Variants in ADAMTSL1 observed in about 807,000 individuals in gnomAD.
ADAMTSL1 encodes ADAMTS like 1.
ADAMTSL1 carries 126 observed loss-of-function variants against 201.8 expected under a neutral mutation model. The ratio of observed to expected loss-of-function variants is 0.62; its 90% confidence interval spans 0.54 to 0.72. The LOEUF is 0.72. Among genes scored for constraint, ADAMTSL1 ranks in the 30% least tolerant of loss-of-function variants. The probability of loss-of-function intolerance (pLI) is 0.00; values close to 1 mark genes in which losing one functional copy is unlikely to be tolerated. For missense variants in ADAMTSL1, 2,679 were observed against 2,277.8 expected (o/e 1.18, Z -3.59); for synonymous variants, 1,121 against 903.4 (o/e 1.24, Z -4.32).
chr9:18,826,305 C>G lies in ADAMTSL1; in HGVS notation c.3956C>G (p.Thr1319Ser), dbSNP rs781362227. ...QVAGVPEAEVTWFRNKSKLGS... is the reference protein window; with the variant it reads ...QVAGVPEAEVSWFRNKSKLGS... ...CTAGGAGTGCCTGAAGCTGAAGTCA[C>G]TTGGTTCAGGAATAAAAGCAAACTG... Residue 1319 changes from threonine to serine, a missense_variant, in exon 22 of 29, where the codon ACT (threonine) becomes AGT (serine). Transcript: ENST00000380548. 1 of 1,611,852 alleles carries G rather than the reference C, an allele frequency of 6.2e-7. No homozygotes were observed. Among genetic ancestry groups the G allele is most frequent in the South Asian group, 1.1e-5 (1 of 90,794 alleles).
At chr9:18,054,580 C>T (rs1822087894) in intron 1 of ADAMTSL1, among the ~76,000 whole-genome samples, 1 of 152,174 alleles carries the variant, frequency 6.6e-6, no homozygotes, top group Non-Finnish European at 1.5e-5. Flanking sequence ...CATGTTTTCT[C>T]ATTGAATTAT....
chr9:18,213,785 G>C (rs1829966147), intron 2 of ADAMTSL1, among the ~76,000 whole-genome samples: 1 of 152,136 alleles, frequency 6.6e-6, no homozygotes, highest in African/African-American at 2.4e-5. Context: ...TGTCGCCCAG[G>C]CTGGAGTGCA....
At position 18,043,849 on chromosome 9, in the gene ADAMTSL1, G is replaced by T. The variant is rs1318158446; in HGVS notation, c.88-120013G>T. Among the ~76,000 whole-genome samples the T allele has an allele frequency of 2.6e-5, 4 of 151,748 alleles. 1 individual carries two copies. The South Asian group carries it at 8.4e-4, about 32-fold the overall frequency. On this transcript the variant is annotated intron_variant, in intron 1 of 29. Transcript: ENST00000680146. Reference sequence around the variant, plus strand: ...AGGGAAGGAATGTACTTTAGATATGGTGAGCTTTATTGGCACTACTTTATT... The same window carrying T: ...AGGGAAGGAATGTACTTTAGATATGTTGAGCTTTATTGGCACTACTTTATT...
intron 1 of ADAMTSL1, among the ~76,000 whole-genome samples, chr9:17,909,682 G>A (rs1294220653): frequency 1.5e-5 from 1 of 67,088 alleles, no homozygotes; most frequent in Non-Finnish European, 4.5e-5. Context: ...GTCCTTTGTA[G>A]GGACATGGAT....
intron 1 of ADAMTSL1, among the ~76,000 whole-genome samples, chr9:18,095,597 T>C (rs1587035193): frequency 6.6e-6 from 1 of 151,970 alleles, no homozygotes; most frequent in East Asian, 1.9e-4. Context: ...TAATTTTTTG[T>C]ATTTTTAGTA....
intron 9 of ADAMTSL1, among the ~76,000 whole-genome samples, chr9:18,666,653 T>C (rs182540879): frequency 6.6e-6 from 1 of 152,146 alleles, no homozygotes; most frequent in Non-Finnish European, 1.5e-5. Context: ...ATGGAAATAT[T>C]TTTGGAATTT....
At chr9:18,260,776 G>C (rs962764609) in intron 2 of ADAMTSL1, among the ~76,000 whole-genome samples, 10 of 152,174 alleles carry the variant, frequency 6.6e-5, no homozygotes, top group African/African-American at 1.2e-4. Context: ...ATTGGTGCCA[G>C]GCCACTTACG....
chr9:18,454,379 T>C (rs1301920698), intron 2 of ADAMTSL1, among the ~76,000 whole-genome samples: 4 of 152,256 alleles, frequency 2.6e-5, no homozygotes, highest in African/African-American at 9.6e-5. Context: ...CCCACCCACA[T>C]TGAGGGCAGA....
At chr9:18,206,720 T>A (rs117780486) in intron 2 of ADAMTSL1, among the ~76,000 whole-genome samples, 158 of 152,324 alleles carry the variant, frequency 1.0e-3, no homozygotes, top group Non-Finnish European at 2.0e-3. Context: ...TATGAATTCC[T>A]TATAAACAGA....
chr9:18,043,333 C>T (rs1430712165), intron 1 of ADAMTSL1, among the ~76,000 whole-genome samples: 2 of 152,028 alleles, frequency 1.3e-5, no homozygotes, highest in African/African-American at 2.4e-5. Flanking sequence ...AAAAAATGCC[C>T]AAGAAAGTAG....
At chr9:18,391,969 T>C (rs993461358) in intron 2 of ADAMTSL1, among the ~76,000 whole-genome samples, 6 of 151,580 alleles carry the variant, frequency 4.0e-5, no homozygotes, top group African/African-American at 1.2e-4. Context: ...GGACTACAGG[T>C]GCCCGCCACC....
intron 1 of ADAMTSL1, among the ~76,000 whole-genome samples, chr9:18,132,655 TC>T (rs1164008484): frequency 6.6e-6 from 1 of 152,108 alleles, no homozygotes; most frequent in Non-Finnish European, 1.5e-5. Flanking sequence ...TTCTCCAACT[TC>T]CAGTCTATCA....
chr9:18,633,010 G>A (rs1826874187), intron 5 of ADAMTSL1, among the ~76,000 whole-genome samples: 1 of 152,124 alleles, frequency 6.6e-6, no homozygotes, highest in Non-Finnish European at 1.5e-5. Context: ...GGAACATACA[G>A]ATATTACAGC....
At chr9:18,534,969 G>A (rs1819669738) in intron 3 of ADAMTSL1, among the ~76,000 whole-genome samples, 1 of 152,158 alleles carries the variant, frequency 6.6e-6, no homozygotes. Flanking sequence ...GGGGCTTCCA[G>A]GAAGGTCTCT....
intron 2 of ADAMTSL1, among the ~76,000 whole-genome samples, chr9:18,516,639 T>G (rs10963622): frequency 0.33 from 50,508 of 152,164 alleles, 9,739 homozygotes; most frequent in East Asian, 0.74. Context: ...CACTGTTCTC[T>G]ACTTGTATGA....
At chr9:18,186,186 G>T (rs1390457041) in intron 2 of ADAMTSL1, among the ~76,000 whole-genome samples, 1 of 152,162 alleles carries the variant, frequency 6.6e-6, no homozygotes, top group Non-Finnish European at 1.5e-5. Flanking sequence ...AATGATGGTT[G>T]TGGACCATAG....
intron 3 of ADAMTSL1, among the ~76,000 whole-genome samples, chr9:18,552,589 G>C (rs1255520490): frequency 6.6e-6 from 1 of 151,632 alleles, no homozygotes; most frequent in African/African-American, 2.4e-5. Flanking sequence ...AAATGTCCTA[G>C]TTCTTTAATA....
intron 2 of ADAMTSL1, among the ~76,000 whole-genome samples, chr9:18,241,337 C>A (rs1049913326): frequency 1.3e-5 from 2 of 152,016 alleles, no homozygotes. Context: ...TTGCTGTTGC[C>A]TCTGTAGAAC....
intron 2 of ADAMTSL1, among the ~76,000 whole-genome samples, chr9:18,515,248 C>T (rs1281349): frequency 0.97 from 147,336 of 152,272 alleles, 71,483 homozygotes; most frequent in East Asian, 1. Context: ...GCTGCCGTCT[C>T]GAAGGGGGTG....
Sources: allele counts gnomAD v4.1 joint callset (sites outside exome capture counted in the v4.1 genomes callset), GRCh38; gene constraint gnomAD v4.1.1; transcripts MANE v1.5; gene names NCBI Gene and HGNC (gene_info 2026-07-23, HGNC 2026-07-21).